The following CSNK1G1 variants were observed in gnomAD, a reference collection of about 807,000 sequenced individuals.
The protein encoded by CSNK1G1 is casein kinase I isoform gamma-1.
Under a neutral mutation model 59.6 loss-of-function variants are expected in CSNK1G1, and 22 were observed. That is an observed-to-expected ratio of 0.37 (90% confidence interval 0.26 to 0.53). The LOEUF is 0.53. CSNK1G1 is among the 20% of genes least tolerant of loss of function. CSNK1G1 has a pLI of 0.89. For synonymous variants in CSNK1G1, 179 were observed against 177.1 expected, an observed-to-expected ratio of 1.01 and a Z score of -0.08; for missense variants, 384 against 519.5, an observed-to-expected ratio of 0.74 and a Z score of 2.54.
intron 10 of CSNK1G1, chr15:64,195,114 T>C (rs1437758923): frequency 6.6e-6 from 1 of 152,252 alleles, no homozygotes; most frequent in Non-Finnish European, 1.5e-5. Flanking sequence ...ATTCTTTCCC[T>C]TAAACATATG....
intron 5 of CSNK1G1, among the ~76,000 whole-genome samples, chr15:64,215,989 G>A (rs192485328): frequency 6.6e-6 from 1 of 152,264 alleles, no homozygotes; most frequent in East Asian, 1.9e-4. Context: ...CTAGCACATT[G>A]GGAGGCCGAG....
intron 4 of CSNK1G1, among the ~76,000 whole-genome samples, chr15:64,227,657 G>C (rs371303740): frequency 5.3e-5 from 8 of 151,948 alleles, no homozygotes; most frequent in African/African-American, 1.9e-4. Flanking sequence ...GGAAATACAC[G>C]GTCTTTTCTT....
chr15:64,254,416 T>C (rs1892260565), intron 3 of CSNK1G1, among the ~76,000 whole-genome samples: 2 of 150,916 alleles, frequency 1.3e-5, no homozygotes, highest in African/African-American at 4.9e-5. Context: ...TGCAATGGCA[T>C]GATATTGGCT....
intron 2 of CSNK1G1, among the ~76,000 whole-genome samples, chr15:64,264,416 G>T (rs888414522): frequency 6.6e-6 from 1 of 152,156 alleles, no homozygotes; most frequent in African/African-American, 2.4e-5. Context: ...CCCAGGACCT[G>T]ATGGCTTCAC....
rs566728982 is a variant in CSNK1G1 at position 64,326,308 on chromosome 15, G to T, written c.-224-25585C>A. 8.0e-4 allele frequency among the ~76,000 whole-genome samples: 121 copies of T among 152,148 alleles called. 1 individual carries two copies. Among genetic ancestry groups the T allele is most frequent in the Non-Finnish European group, 1.4e-3 (98 of 68,028 alleles). On this transcript the variant is annotated intron_variant, in intron 1 of 11. Coordinates refer to ENST00000303052, the MANE Select transcript of CSNK1G1 (RefSeq NM_022048.5). The stretch of plus-strand genomic sequence containing the variant: ...CCCAAAGTGCTGGAATTATAAGTGT[G>T]AGCCACCATGCCTGGCCCAAGAAAA...
Position 64,214,686 on chromosome 15 carries a change from G to A in CSNK1G1, c.445-562C>T, listed in dbSNP as rs765603815. On this transcript the variant is annotated intron_variant, in intron 5 of 11. Coordinates refer to ENST00000303052, the MANE Select transcript of CSNK1G1 (RefSeq NM_022048.5). This position sits in a 1 kb window ranked among gnomAD's most constrained non-coding sequence, Gnocchi z 4.3. ...TTATTATTATTATTATTTTTGAGAC[G>A]GAGTCTTGCTCTGTCACCCAGGGTG... is the stretch of plus-strand genomic sequence containing the variant. 6.6e-6 allele frequency among the ~76,000 whole-genome samples: 1 copy of A among 151,912 alleles called. No individual in the cohort carries two copies. The highest frequency in any genetic ancestry group is 1.9e-4 in the East Asian group (1 of 5,188).
At chr15:64,324,435 C>T (rs1446523687) in intron 1 of CSNK1G1, among the ~76,000 whole-genome samples, 1 of 152,202 alleles carries the variant, frequency 6.6e-6, no homozygotes, top group Non-Finnish European at 1.5e-5. Context: ...CTTGCTGAGT[C>T]TTCCAGTTTT....
intron 1 of CSNK1G1, among the ~76,000 whole-genome samples, chr15:64,311,227 G>A (rs910855468): frequency 6.6e-6 from 1 of 150,806 alleles, no homozygotes; most frequent in Non-Finnish European, 1.5e-5. Context: ...GGTATTTTTA[G>A]TACAGACAGG....
intron 1 of CSNK1G1, among the ~76,000 whole-genome samples, chr15:64,350,991 A>G (rs1356404662): frequency 1.3e-5 from 2 of 152,202 alleles, no homozygotes; most frequent in African/African-American, 4.8e-5. Flanking sequence ...TAAAAAGAGA[A>G]AAACTATCAT....
intron 4 of CSNK1G1, among the ~76,000 whole-genome samples, chr15:64,228,231 G>C (rs1378006573): frequency 2.0e-5 from 3 of 151,920 alleles, no homozygotes; most frequent in African/African-American, 7.3e-5. Flanking sequence ...GAACCACCTG[G>C]GGCATTACTT....
chr15:64,316,906 G>A (rs1428329387), intron 1 of CSNK1G1: 1 of 152,094 alleles, frequency 6.6e-6, no homozygotes, highest in African/African-American at 2.4e-5. Context: ...CCCCCTTACA[G>A]TTGTAAGCCC....
intron 2 of CSNK1G1, among the ~76,000 whole-genome samples, chr15:64,281,654 A>G (rs755843105): frequency 6.6e-5 from 10 of 152,140 alleles, no homozygotes; most frequent in Non-Finnish European, 1.2e-4. Context: ...TCTGGCCTAC[A>G]TGGCAAAACC....
intron 2 of CSNK1G1, among the ~76,000 whole-genome samples, chr15:64,298,396 TAC>T (rs1895139223): frequency 6.6e-6 from 1 of 152,228 alleles, no homozygotes; most frequent in Non-Finnish European, 1.5e-5. Context: ...ACTGTGATGT[TAC>T]AGTCAATTTA....
At chr15:64,335,774 T>C (rs1167157631) in intron 1 of CSNK1G1, 1 of 152,238 alleles carries the variant, frequency 6.6e-6, no homozygotes, top group Non-Finnish European at 1.5e-5. Flanking sequence ...TCATACAAGC[T>C]ACATCCTCAC....
intron 2 of CSNK1G1, among the ~76,000 whole-genome samples, chr15:64,275,822 A>G (rs1040761860): frequency 1.3e-5 from 2 of 152,178 alleles, no homozygotes; most frequent in African/African-American, 2.4e-5. Flanking sequence ...ATTTCATGAA[A>G]CTTCATATAC....
chr15:64,271,796 T>C (rs1893323955), intron 2 of CSNK1G1, among the ~76,000 whole-genome samples: 2 of 152,136 alleles, frequency 1.3e-5, no homozygotes, highest in Admixed American at 1.3e-4. Context: ...CAATGTTGAG[T>C]TCAGGTCCTG....
chr15:64,230,180 C>T (rs1383631150), intron 4 of CSNK1G1, among the ~76,000 whole-genome samples: 2 of 151,746 alleles, frequency 1.3e-5, no homozygotes, highest in South Asian at 2.1e-4. Context: ...GGATTATAGG[C>T]GTGAGCCACC....
At chr15:64,281,207 T>C (rs1248848746) in intron 2 of CSNK1G1, among the ~76,000 whole-genome samples, 1 of 152,210 alleles carries the variant, frequency 6.6e-6, no homozygotes, top group Non-Finnish European at 1.5e-5. Flanking sequence ...TACATACTAT[T>C]ATCCTTGAGG....
At chr15:64,300,957 A>G (rs1403835763) in intron 1 of CSNK1G1, among the ~76,000 whole-genome samples, 2 of 152,212 alleles carry the variant, frequency 1.3e-5, no homozygotes, top group African/African-American at 4.8e-5. Context: ...CAAGCCTTTA[A>G]TATAGAATGC....
Sources: allele counts gnomAD v4.1 joint callset (sites outside exome capture counted in the v4.1 genomes callset), GRCh38; gene constraint gnomAD v4.1.1; non-coding constraint Gnocchi (gnomAD v3.1); transcripts MANE v1.5; gene names NCBI Gene and HGNC (gene_info 2026-07-23, HGNC 2026-07-21).